The following LTBP2 variants were observed in gnomAD, a reference collection of about 807,000 sequenced individuals.
LTBP2 encodes latent-transforming growth factor beta-binding protein 2.
LTBP2 carries 103 observed loss-of-function variants against 210.6 expected under a neutral mutation model. That is an observed-to-expected ratio of 0.49 (90% CI 0.42 to 0.58). LTBP2 has a LOEUF of 0.58. Among genes scored for constraint, LTBP2 ranks in the 20% least tolerant of loss-of-function variants. The pLI is 0.00. For synonymous variants in LTBP2, 1,007 were observed against 1,015.0 expected (o/e 0.99, Z 0.15); for missense variants, 2,313 against 2,494.5 (o/e 0.93, Z 1.55).
Position 74,586,248 on chromosome 14 carries a change from TG to T in LTBP2, c.566-131del. On this transcript the variant is annotated intron_variant, in intron 2 of 35. Transcript: ENST00000261978. This position sits in a 1 kb window ranked among gnomAD's most constrained non-coding sequence, Gnocchi z 4.6. The stretch of plus-strand genomic sequence containing the variant: ...TCGCTCAAGCAGGAAGCCACTCTCC[TG>T]GCCTCAGGGGGCTCCCTGACCCATG... 9.4e-7 allele frequency: 1 copy of T among 1,062,268 alleles called. No individual in the cohort carries two copies. The highest frequency in any genetic ancestry group is 2.3e-5 in the Admixed American group (1 of 44,052). 65.8% of individuals were successfully genotyped at this position (1,062,268 alleles called of 1,614,324 possible).
chr14:74,512,388 C>T (rs2087082417), intron 18 of LTBP2, among the ~76,000 whole-genome samples: 3 of 152,178 alleles, frequency 2.0e-5, no homozygotes, highest in Admixed American at 6.5e-5. Flanking sequence ...TATTTAGAGG[C>T]TCTACTGCCC....
At chr14:74,509,133 A>G in intron 22 of LTBP2, 105 bp downstream of exon 22, 1 of 1,583,912 alleles carries the variant, frequency 6.3e-7, no homozygotes, top group Non-Finnish European at 8.7e-7. Context: ...GAGCGGGATG[A>G]TGGCAGCTCC....
rs1345245885 is a variant in LTBP2, at chr14:74,509,994, C to T, written c.3151+97G>A. ...GTCAGTGTGAATAGGGATGCAAGGC[C>T]AGGGGTGGATTCAGGGGGCCAAGGG... On this transcript the variant is annotated intron_variant, in intron 20 of 35. Coordinates refer to ENST00000261978, the MANE Select transcript of LTBP2 (RefSeq NM_000428.3). 3.1e-6 allele frequency: 5 copies of T among 1,610,738 alleles called. No homozygotes were observed. The East Asian group carries it at 1.1e-4, about 36-fold the overall frequency.
chr14:74,510,811 T>C (rs987556777), intron 19 of LTBP2, among the ~76,000 whole-genome samples: 5 of 152,186 alleles, frequency 3.3e-5, no homozygotes, highest in Non-Finnish European at 5.9e-5. Context: ...CGCCTCCTAC[T>C]GCAGACCTGC....
intron 18 of LTBP2, among the ~76,000 whole-genome samples, chr14:74,513,602 A>G (rs1417396306): frequency 6.6e-6 from 1 of 152,188 alleles, no homozygotes; most frequent in Admixed American, 6.5e-5. Context: ...CAGGAGTTCA[A>G]GACTAGCCTA....
chr14:74,504,697 A>T, intron 30 of LTBP2, 81 bp downstream of exon 30: 1 of 1,401,794 alleles, frequency 7.1e-7, no homozygotes, highest in Non-Finnish European at 1.0e-6. Context: ...TGGATGCAGA[A>T]CTTCCCCAGG....
chr14:74,564,211 A>ATATATATATT lies in LTBP2; in HGVS notation c.831-8528_831-8519dup, dbSNP rs2087855005. On this transcript the variant is annotated intron_variant, in intron 3 of 35. Transcript: ENST00000261978. The stretch of plus-strand genomic sequence containing the variant: ...TTTATATATATATTTATATATATTT[A>ATATATATATT]TATATATATTTATATATATATTTAT... Among the ~76,000 whole-genome samples the ATATATATATT allele has an allele frequency of 1.1e-4, 2 of 18,534 alleles. 1 individual carries two copies. Among genetic ancestry groups the ATATATATATT allele is most frequent in the Non-Finnish European group, 1.8e-4 (2 of 10,870 alleles). The allele number at this position is 18,534 out of a possible 152,430, so 12.2% of individuals were successfully genotyped here.
chr14:74,562,405 T>C (rs1437294351), intron 3 of LTBP2, among the ~76,000 whole-genome samples: 8 of 152,164 alleles, frequency 5.3e-5, no homozygotes, highest in East Asian at 3.9e-4. Context: ...TTTTAGCTAA[T>C]ATATCATTTA....
At chr14:74,567,090 G>T (rs957863496) in intron 3 of LTBP2, among the ~76,000 whole-genome samples, 4 of 152,194 alleles carry the variant, frequency 2.6e-5, no homozygotes, top group African/African-American at 9.6e-5. Flanking sequence ...TCCTGTTTCA[G>T]GCAGGGAGAC....
In LTBP2 at chr14:74,586,973, A is replaced by G. The variant is rs989784815; in HGVS notation, c.566-855T>C. Among the ~76,000 whole-genome samples, 6 of 152,152 alleles carry G rather than the reference A, an allele frequency of 3.9e-5. No homozygotes were observed. Among genetic ancestry groups the G allele is most frequent in the African/African-American group, 1.4e-4 (6 of 41,436 alleles). ...CCGGAGGCAAGGTGGAGCTGAAACC[A>G]GGCCCTCCTCCCGGTTAGCCCTATG... is the stretch of plus-strand genomic sequence containing the variant. On this transcript the variant is annotated intron_variant, in intron 2 of 35. Transcript: ENST00000261978. This position sits in a 1 kb window ranked among gnomAD's most constrained non-coding sequence, Gnocchi z 4.6.
At chr14:74,539,848 G>A (rs188127203) in intron 8 of LTBP2, among the ~76,000 whole-genome samples, 3 of 152,320 alleles carry the variant, frequency 2.0e-5, no homozygotes, top group South Asian at 4.1e-4. Flanking sequence ...GTGAGAACCC[G>A]AGGAATGAGT....
At chr14:74,527,455 C>A (rs374360539) in intron 12 of LTBP2, 89 bp from the exon 13 acceptor site, 75 of 1,395,162 alleles carry the variant, frequency 5.4e-5, no homozygotes, top group Non-Finnish European at 7.4e-5. Flanking sequence ...TCACAGTCTG[C>A]GCCCCAGACC....
chr14:74,502,194 G>A (rs375652282), intron 34 of LTBP2, among the ~76,000 whole-genome samples: 3 of 152,106 alleles, frequency 2.0e-5, no homozygotes, highest in African/African-American at 7.2e-5. Flanking sequence ...TAGACTCCAA[G>A]GCCTGAGTGT....
intron 29 of LTBP2, 35 bp downstream of exon 29, chr14:74,504,948 G>C: frequency 3.1e-6 from 4 of 1,274,612 alleles, no homozygotes; most frequent in Non-Finnish European, 4.5e-6. Context: ...TTGCAGAGCT[G>C]ACCCTTCGAG....
chr14:74,539,170 C>G lies in LTBP2; in HGVS notation c.1790-3170G>C, dbSNP rs78321798. ...ATGTCTGTTTCTCACAACAATTATG[C>G]CCTAAGGCAGGGACCGTCATCCCCA... is the stretch of plus-strand genomic sequence containing the variant. On this transcript the variant is annotated intron_variant, in intron 8 of 35. Coordinates refer to ENST00000261978, the MANE Select transcript of LTBP2 (RefSeq NM_000428.3). Among the ~76,000 whole-genome samples the G allele has an allele frequency of 6.2e-3, 940 of 152,310 alleles. 15 individuals carry two copies. The highest frequency in any genetic ancestry group is 0.021 in the African/African-American group (889 of 41,566).
At chr14:74,564,113 A>T (rs868660823) in intron 3 of LTBP2, among the ~76,000 whole-genome samples, 11 of 13,232 alleles carry the variant, frequency 8.3e-4, no homozygotes, top group East Asian at 5.7e-3. Flanking sequence ...ATATATATTT[A>T]TATATATATA....
intron 2 of LTBP2, among the ~76,000 whole-genome samples, chr14:74,587,510 G>A (rs2088224006): frequency 6.6e-6 from 1 of 151,502 alleles, no homozygotes; most frequent in East Asian, 2.0e-4. Context: ...AACCCCCAAA[G>A]ACCTGGGCAG....
At chr14:74,511,683 C>A (rs937650375) in intron 18 of LTBP2, among the ~76,000 whole-genome samples, 17 of 152,202 alleles carry the variant, frequency 1.1e-4, no homozygotes, top group Admixed American at 6.5e-4. Flanking sequence ...GCTTTCATCT[C>A]TCCCCTGGCG....
intron 1 of LTBP2, among the ~76,000 whole-genome samples, chr14:74,606,931 C>T (rs4899525): frequency 0.11 from 16,282 of 152,002 alleles, 1,662 homozygotes; most frequent in African/African-American, 0.26. Flanking sequence ...GCTGTGATCA[C>T]TTAGTACTGC....
Sources: gnomAD v4.1 joint callset for allele counts (sites outside exome capture counted in the v4.1 genomes callset) on GRCh38, gnomAD v4.1.1 for gene constraint, Gnocchi (gnomAD v3.1) non-coding constraint, MANE v1.5 for transcripts, NCBI Gene and HGNC (gene_info 2026-07-23, HGNC 2026-07-21) for gene names.